The following KCNQ5 variants were observed in gnomAD, a reference collection of about 807,000 sequenced individuals.
KCNQ5 encodes the protein potassium voltage-gated channel subfamily KQT member 5.
A neutral mutation model predicts 98.2 loss-of-function variants in KCNQ5; 30 were observed. The observed-to-expected ratio is 0.31, with a 90% CI of 0.23 to 0.41. The LOEUF is 0.41. KCNQ5 is among the 10% of genes least tolerant of loss of function. The pLI is 1.00. For synonymous variants in KCNQ5, 458 were observed against 449.4 expected, an observed-to-expected ratio of 1.02 and a Z score of -0.24; for missense variants, 835 against 1,182.5, an observed-to-expected ratio of 0.71 and a Z score of 4.31.
rs1486368933 is a variant in KCNQ5, at chr6:72,978,798, C to G, written c.399-25110C>G. 1.5e-4 allele frequency among the ~76,000 whole-genome samples: 23 copies of G among 152,142 alleles called. No homozygotes were observed. In the East Asian group the frequency reaches 3.8e-3, roughly 25 times the overall value. On this transcript the variant is annotated intron_variant, in intron 1 of 13. Transcript: ENST00000370398. ...ACCCATTAACTCGTCATTTACATTA[C>G]ATATTTCTCCTAATGCTATCCCTCC...
chr6:72,859,891 G>C (rs950858327), intron 1 of KCNQ5, among the ~76,000 whole-genome samples: 3 of 150,962 alleles, frequency 2.0e-5, no homozygotes, highest in Non-Finnish European at 2.9e-5. Context: ...TGCCTGACCT[G>C]TTCCTGATTT....
intron 1 of KCNQ5, among the ~76,000 whole-genome samples, chr6:72,746,193 C>CT (rs1176645839): frequency 6.9e-6 from 1 of 144,654 alleles, no homozygotes; most frequent in Non-Finnish European, 1.5e-5. Flanking sequence ...ATTATTGAAA[C>CT]TTTTTTGTAA....
chr6:73,134,832 C>T (rs958004825), intron 10 of KCNQ5: 2 of 152,320 alleles, frequency 1.3e-5, no homozygotes, highest in Admixed American at 1.3e-4. Flanking sequence ...GCCACCAACA[C>T]GGGACACTCC....
At position 72,778,958 on chromosome 6, in the gene KCNQ5, A is replaced by G. The variant is rs534753623; in HGVS notation, c.398+156371A>G. ...TTTGGTAATGAAGAGGACAAAGGTA[A>G]CTTTAGTGAAGTGATTTCACTGTAG... On this transcript the variant is annotated intron_variant, in intron 1 of 13. Transcript: ENST00000370398. Among the ~76,000 whole-genome samples the G allele has an allele frequency of 2.6e-5, 4 of 152,342 alleles. No individual in the cohort carries two copies. In the East Asian group the frequency reaches 7.7e-4, roughly 29 times the overall value.
At chr6:72,761,632 A>G (rs1030415422) in intron 1 of KCNQ5, among the ~76,000 whole-genome samples, 1 of 151,868 alleles carries the variant, frequency 6.6e-6, no homozygotes, top group African/African-American at 2.4e-5. Context: ...GAAATAATAT[A>G]AATATTCTTT....
At chr6:72,954,693 T>C (rs537966554) in intron 1 of KCNQ5, among the ~76,000 whole-genome samples, 2 of 152,316 alleles carry the variant, frequency 1.3e-5, no homozygotes, top group African/African-American at 4.8e-5. Context: ...AAGCATGATA[T>C]GACTACAAAA....
intron 1 of KCNQ5, among the ~76,000 whole-genome samples, chr6:72,746,263 T>G (rs1771402302): frequency 6.6e-6 from 1 of 152,138 alleles, no homozygotes; most frequent in African/African-American, 2.4e-5. Context: ...TTATGCCAGT[T>G]ACTAATTTCA....
intron 1 of KCNQ5, among the ~76,000 whole-genome samples, chr6:72,970,291 G>T (rs564198633): frequency 6.6e-6 from 1 of 151,834 alleles, no homozygotes; most frequent in African/African-American, 2.4e-5. Flanking sequence ...TAAGAAACTA[G>T]TCCCCCATAA....
chr6:72,911,966 T>A (rs1015194049), intron 1 of KCNQ5, among the ~76,000 whole-genome samples: 1 of 152,182 alleles, frequency 6.6e-6, no homozygotes, highest in South Asian at 2.1e-4. Context: ...ATTTTCTGAT[T>A]TCCCCTTTGG....
At chr6:73,188,437 C>T (rs1487301658) in intron 11 of KCNQ5, among the ~76,000 whole-genome samples, 1 of 152,130 alleles carries the variant, frequency 6.6e-6, no homozygotes, top group East Asian at 1.9e-4. Flanking sequence ...TCCTTTTTTC[C>T]TGCCCACCCA....
chr6:73,015,347 A>G (rs1469177358), intron 2 of KCNQ5, among the ~76,000 whole-genome samples: 1 of 152,164 alleles, frequency 6.6e-6, no homozygotes, highest in Non-Finnish European at 1.5e-5. Context: ...CTGAAAAGAA[A>G]AAAGCAGGAA....
intron 1 of KCNQ5, among the ~76,000 whole-genome samples, chr6:72,965,494 A>G (rs1269171060): frequency 6.6e-6 from 1 of 152,124 alleles, no homozygotes; most frequent in East Asian, 1.9e-4. Context: ...AAATGGCTGT[A>G]TCTCCTTCTG....
chr6:72,760,321 T>C (rs1256394902), intron 1 of KCNQ5, among the ~76,000 whole-genome samples: 1 of 151,952 alleles, frequency 6.6e-6, no homozygotes, highest in African/African-American at 2.4e-5. Flanking sequence ...TTAAGAGCAA[T>C]TAGAGCTAAT....
At chr6:73,079,980 C>T (rs1773701241) in intron 5 of KCNQ5, among the ~76,000 whole-genome samples, 2 of 152,152 alleles carry the variant, frequency 1.3e-5, no homozygotes, top group Non-Finnish European at 1.5e-5. Flanking sequence ...ACCCAGGTGC[C>T]CCTTTTGCCA....
chr6:72,696,531 TG>T (rs1330397765), intron 1 of KCNQ5, among the ~76,000 whole-genome samples: 1 of 152,200 alleles, frequency 6.6e-6, no homozygotes, highest in Non-Finnish European at 1.5e-5. Context: ...GGTTAATAAA[TG>T]GGCAAGATCT....
chr6:72,908,561 G>A (rs1005304063), intron 1 of KCNQ5, among the ~76,000 whole-genome samples: 1 of 152,002 alleles, frequency 6.6e-6, no homozygotes, highest in Non-Finnish European at 1.5e-5. Context: ...TCATCCACAG[G>A]CAGATTTTTC....
chr6:72,980,398 T>C (rs942366456), intron 1 of KCNQ5, among the ~76,000 whole-genome samples: 9 of 152,210 alleles, frequency 5.9e-5, no homozygotes, highest in African/African-American at 2.2e-4. Flanking sequence ...TTCACATCCT[T>C]GTAAGTTGGA....
intron 10 of KCNQ5, among the ~76,000 whole-genome samples, chr6:73,141,244 T>C (rs1269556170): frequency 6.6e-6 from 1 of 152,166 alleles, no homozygotes; most frequent in Non-Finnish European, 1.5e-5. Flanking sequence ...ACTAATCCCA[T>C]TTATTAGGGC....
At chr6:72,837,680 A>G (rs575257790) in intron 1 of KCNQ5, among the ~76,000 whole-genome samples, 31 of 152,316 alleles carry the variant, frequency 2.0e-4, no homozygotes, top group African/African-American at 6.3e-4. Context: ...TCCTTTTGCC[A>G]GCATAAGATA....
Sources: allele counts gnomAD v4.1 joint callset (sites outside exome capture counted in the v4.1 genomes callset), GRCh38; gene constraint gnomAD v4.1.1; transcripts MANE v1.5; gene names NCBI Gene and HGNC (gene_info 2026-07-23, HGNC 2026-07-21).